DYSF: variants seen among roughly 807,000 people sequenced by gnomAD.
DYSF encodes dystrophy-associated fer-1-like 1.
A neutral mutation model predicts 274.9 loss-of-function variants in DYSF; 212 were observed. The observed-to-expected ratio is 0.77, with a 90% confidence interval of 0.69 to 0.86. DYSF has a LOEUF of 0.86. Among genes scored for constraint, DYSF ranks in the 40% least tolerant of loss-of-function variants. The probability of loss-of-function intolerance (pLI) is 0.00; values close to 1 mark genes in which losing one functional copy is unlikely to be tolerated. For missense variants in DYSF, 2,666 were observed against 2,783.2 expected, an observed-to-expected ratio of 0.96 and a Z score of 0.95; for synonymous variants, 1,091 against 1,078.7, an observed-to-expected ratio of 1.01 and a Z score of -0.22.
intron 1 of DYSF, among the ~76,000 whole-genome samples, chr2:71,468,303 C>A (rs978837887): frequency 6.6e-6 from 1 of 152,206 alleles, no homozygotes; most frequent in South Asian, 2.1e-4. Flanking sequence ...TCGTTTGGGT[C>A]TGCTCACAGC....
intron 33 of DYSF, 82 bp from the exon 34 acceptor site, chr2:71,600,620 C>T: frequency 6.3e-7 from 1 of 1,597,096 alleles, no homozygotes; most frequent in Non-Finnish European, 8.6e-7. Flanking sequence ...GTTCAGAAGG[C>T]ACATGTAGAC....
At chr2:71,518,986 A>G (rs1004557759) in intron 10 of DYSF, among the ~76,000 whole-genome samples, 1 of 149,126 alleles carries the variant, frequency 6.7e-6, no homozygotes, top group African/African-American at 2.5e-5. Flanking sequence ...CCAGCTACTC[A>G]GGAGGCCGAG....
chr2:71,663,386 C>G, intron 45 of DYSF, among the ~76,000 whole-genome samples: 1 of 152,240 alleles, frequency 6.6e-6, no homozygotes, highest in Non-Finnish European at 1.5e-5. Flanking sequence ...CAATCTCTCG[C>G]TGCTACAACC....
chr2:71,639,496 A>T (rs1415935112), intron 41 of DYSF, among the ~76,000 whole-genome samples: 1 of 152,200 alleles, frequency 6.6e-6, no homozygotes, highest in Non-Finnish European at 1.5e-5. Context: ...ATGAGATCAC[A>T]TTATTTTTTA....
At chr2:71,672,320 T>A (rs2095139475) in intron 51 of DYSF, among the ~76,000 whole-genome samples, 1 of 151,600 alleles carries the variant, frequency 6.6e-6, no homozygotes, top group African/African-American at 2.4e-5. Context: ...AAGGATCGAG[T>A]CTGGATGGGT....
chr2:71,490,278 C>A (rs553373463), intron 3 of DYSF, among the ~76,000 whole-genome samples: 2 of 152,338 alleles, frequency 1.3e-5, no homozygotes, highest in African/African-American at 4.8e-5. Context: ...GTTCTCCCAT[C>A]TTCTACCCAT....
rs1265903256 is a variant in DYSF at position 71,570,883 on chromosome 2, C to CAGATCACACCCAGCATACCCAA, written c.3228+161_3228+182dup. The CAGATCACACCCAGCATACCCAA allele has an allele frequency of 7.8e-4, 960 of 1,230,388 alleles. 15 individuals carry two copies. The African/African-American group carries it at 0.013, about 17-fold the overall frequency. The allele number at this position is 1,230,388 out of a possible 1,614,324, so 76.2% of individuals were successfully genotyped here. On this transcript the variant is annotated intron_variant, in intron 29 of 55. Transcript: ENST00000410020. ...ACCTGGGACTCACTGGAGGTGCTCA[C>CAGATCACACCCAGCATACCCAA]AGATCACACCCAGCATACCCAAAGA...
intron 30 of DYSF, among the ~76,000 whole-genome samples, chr2:71,588,233 G>A (rs1574192842): frequency 6.6e-6 from 1 of 152,174 alleles, no homozygotes; most frequent in East Asian, 1.9e-4. Flanking sequence ...GTCTGAATGG[G>A]AGAAGGCTGG....
At position 71,568,084 on chromosome 2, in the gene DYSF, T is replaced by C. The variant is rs146807631; in HGVS notation, c.2697+2T>C. 6 of 1,614,144 alleles carry C rather than the reference T, an allele frequency of 3.7e-6. No homozygotes were observed. Among genetic ancestry groups the C allele is most frequent in the Non-Finnish European group, 5.1e-6 (6 of 1,180,022 alleles). On this transcript the variant is annotated splice_donor_variant, in intron 25 of 55. Transcript: ENST00000410020. LOFTEE classifies it high-confidence loss of function. The stretch of plus-strand genomic sequence containing the variant: ...AAGCTGTCTGTCTTTGCTGAAACCG[T>C]GAGTACCTGCCAGCCCCCACCTCTG...
Position 71,516,897 on chromosome 2 carries a change from G to C in DYSF, c.952-92G>C, listed in dbSNP as rs2086712897. On this transcript the variant is annotated intron_variant, in intron 9 of 55. Coordinates refer to ENST00000410020, the MANE Select transcript of DYSF (RefSeq NM_001130987.2). ...GGAATTGAGTAAGTGTGAAGTGTTG[G>C]CAGTTATTGTTTGGGAGGGAAGAGC... 8 of 1,133,368 alleles carry C rather than the reference G, an allele frequency of 7.1e-6. No individual in the cohort carries two copies. In the South Asian group the frequency reaches 9.8e-5, roughly 14 times the overall value. 70.2% of individuals were successfully genotyped at this position (1,133,368 alleles called of 1,614,324 possible). A position where few individuals can be genotyped will look rare whatever the true frequency, so the allele number is the denominator to read the frequency against.
intron 22 of DYSF, 135 bp from the exon 23 acceptor site, chr2:71,561,617 G>A (rs1212615938): frequency 1.1e-6 from 1 of 937,430 alleles, no homozygotes; most frequent in African/African-American, 1.6e-5. Context: ...TGTGTGTGTG[G>A]AGCGGGCTGG....
At position 71,561,946 on chromosome 2, in the gene DYSF, T is replaced by G. The variant is rs750681135; in HGVS notation, c.2409+2T>G. 6.2e-7 allele frequency: 1 copy of G among 1,612,774 alleles called. No individual in the cohort carries two copies. The highest frequency in any genetic ancestry group is 8.5e-7 in the Non-Finnish European group (1 of 1,179,634). ...CGTCTGCGTGCCCTGGCAGAGGAGG[T>G]AATTAAGCCTGGGGGTGCCTTTCTT... On this transcript the variant is annotated splice_donor_variant, in intron 23 of 55. Coordinates refer to ENST00000410020, the MANE Select transcript of DYSF (RefSeq NM_001130987.2). LOFTEE classifies it high-confidence loss of function.
At chr2:71,473,269 G>T (rs894916086) in intron 1 of DYSF, among the ~76,000 whole-genome samples, 1 of 152,196 alleles carries the variant, frequency 6.6e-6, no homozygotes, top group Non-Finnish European at 1.5e-5. Flanking sequence ...TTCAGCCCAC[G>T]CTAGGGCCAT....
At chr2:71,475,622 G>T (rs2082341070) in intron 1 of DYSF, among the ~76,000 whole-genome samples, 1 of 152,070 alleles carries the variant, frequency 6.6e-6, no homozygotes, top group African/African-American at 2.4e-5. Context: ...ACAGAGGGGA[G>T]GGCAGGGGAA....
In DYSF at chr2:71,512,071, A is replaced by G. The variant is rs57229705; in HGVS notation, c.460+150A>G. 0.13 allele frequency: 80,747 copies of G among 628,728 alleles called. 7,395 individuals are homozygous for G. The highest frequency in any genetic ancestry group is 0.24 in the African/African-American group (13,184 of 54,174). 38.9% of individuals were successfully genotyped at this position (628,728 alleles called of 1,614,324 possible). A position where few individuals can be genotyped will look rare whatever the true frequency, so the allele number is the denominator to read the frequency against. On this transcript the variant is annotated intron_variant, in intron 5 of 55. Coordinates refer to ENST00000410020, the MANE Select transcript of DYSF (RefSeq NM_001130987.2). The stretch of plus-strand genomic sequence containing the variant: ...CCCAGGCCTGGAAAGAAGAGGGTGC[A>G]GTGGGTGGGAAGTCCTGAGGGCTGC...
chr2:71,637,347 A>G (rs916150155), intron 41 of DYSF, among the ~76,000 whole-genome samples: 4 of 152,160 alleles, frequency 2.6e-5, no homozygotes, highest in Non-Finnish European at 5.9e-5. Flanking sequence ...CCGAGCACCC[A>G]CAGGAGCAGA....
At chr2:71,519,022 G>A (rs1364572393) in intron 10 of DYSF, among the ~76,000 whole-genome samples, 1 of 144,904 alleles carries the variant, frequency 6.9e-6, no homozygotes, top group Non-Finnish European at 1.5e-5. Flanking sequence ...GAACCTGGGT[G>A]GCAGAGGTTG....
chr2:71,581,581 T>C (rs2152832918), intron 30 of DYSF, among the ~76,000 whole-genome samples: 1 of 152,356 alleles, frequency 6.6e-6, no homozygotes, highest in East Asian at 1.9e-4. Flanking sequence ...TTCAACCATC[T>C]GTAGCTCCAG....
chr2:71,484,013 A>G (rs1455697472), intron 3 of DYSF, among the ~76,000 whole-genome samples: 2 of 141,134 alleles, frequency 1.4e-5, no homozygotes, highest in African/African-American at 5.3e-5. Flanking sequence ...TATCTTATTC[A>G]GCATTTTTAC....
Sources: allele counts gnomAD v4.1 joint callset (sites outside exome capture counted in the v4.1 genomes callset), GRCh38; gene constraint gnomAD v4.1.1; transcripts MANE v1.5; gene names NCBI Gene and HGNC (gene_info 2026-07-23, HGNC 2026-07-21).